EDA: variants seen among roughly 807,000 people sequenced by gnomAD.
EDA encodes ectodysplasin A.
EDA carries 2 observed loss-of-function variants against 23.6 expected under a neutral mutation model. The ratio of observed to expected loss-of-function variants is 0.08; its 90% CI spans 0.03 to 0.27. EDA has a LOEUF of 0.27. Ranked by LOEUF, EDA falls within the 10% of genes least tolerant of loss-of-function variation. The pLI is 1.00. For synonymous variants in EDA, 131 were observed against 132.0 expected (o/e 0.99, Z 0.05); for missense variants, 229 against 324.2 (o/e 0.71, Z 2.26).
At chrX:69,631,942 G>C (rs1472906378) in intron 1 of EDA, among the ~76,000 whole-genome samples, 1 of 111,599 alleles carries the variant, frequency 9.0e-6, no homozygotes, top group Non-Finnish European at 1.9e-5. Flanking sequence ...TTTGGATAAA[G>C]GCTTAGAGCC....
chrX:69,754,902 A>G (rs1368679213), intron 1 of EDA, among the ~76,000 whole-genome samples: 1 of 112,134 alleles, frequency 8.9e-6, no homozygotes, highest in Non-Finnish European at 1.9e-5. Context: ...CTTCAGCTCC[A>G]TCAGGTCATT....
intron 1 of EDA, among the ~76,000 whole-genome samples, chrX:69,798,577 T>G (rs2015600645): frequency 1.8e-5 from 2 of 111,170 alleles, no homozygotes; most frequent in South Asian, 7.6e-4. Flanking sequence ...ACTGAGCCAA[T>G]GAAGAAATTA....
intron 2 of EDA, among the ~76,000 whole-genome samples, chrX:69,990,988 T>C (rs1602590420): frequency 1.8e-5 from 2 of 111,376 alleles, no homozygotes; most frequent in Middle Eastern, 9.3e-3. Flanking sequence ...ATTTAGCAAG[T>C]TGGCTTATTT....
chrX:69,996,389 T>A (rs1415758888), intron 2 of EDA, among the ~76,000 whole-genome samples: 1 of 111,658 alleles, frequency 9.0e-6, no homozygotes, highest in African/African-American at 3.3e-5. Flanking sequence ...AAGAGCTAAT[T>A]TCCTAAACAT....
At chrX:69,669,093 A>G (rs1209721968) in intron 1 of EDA, among the ~76,000 whole-genome samples, 1 of 111,710 alleles carries the variant, frequency 9.0e-6, no homozygotes, top group East Asian at 2.8e-4. Context: ...AAGCACAGCC[A>G]CTTTGCTCTC....
chrX:69,646,800 G>A lies in EDA; in HGVS notation c.396+30096G>A, dbSNP rs145744695. Among the ~76,000 whole-genome samples, 722 of 111,860 alleles carry A rather than the reference G, an allele frequency of 6.5e-3. 2 individuals carry two copies. The highest frequency in any genetic ancestry group is 0.011 in the Non-Finnish European group (568 of 53,138). On this transcript the variant is annotated intron_variant, in intron 1 of 7. Transcript: ENST00000374552. ...GGTTGCTTCATAGTGTCACTGGTTT[G>A]TGTACTTCAGTGTGTTTTGTAGTGG...
intron 1 of EDA, among the ~76,000 whole-genome samples, chrX:69,690,665 T>C (rs1462234582): frequency 8.9e-6 from 1 of 111,802 alleles, no homozygotes; most frequent in African/African-American, 3.2e-5. Flanking sequence ...TTGAGAAGTA[T>C]TCCCTCCTCT....
chrX:69,653,691 C>A (rs1318114095), intron 1 of EDA, among the ~76,000 whole-genome samples: 3 of 110,695 alleles, frequency 2.7e-5, no homozygotes, highest in Admixed American at 9.6e-5. Context: ...CAAAAACAAG[C>A]AATGGGGAAA....
chrX:69,764,610 A>G (rs1004110211), intron 1 of EDA, among the ~76,000 whole-genome samples: 1 of 111,221 alleles, frequency 9.0e-6, no homozygotes, highest in African/African-American at 3.3e-5. Flanking sequence ...AATAAAAGAA[A>G]GACAACAAGG....
rs754981946 is a variant in EDA, at chrX:70,023,478, C to CTTTTT, written c.526+261_526+265dup. ...TCTTCTCCCTGCCCTTCTTTTTATT[C>CTTTTT]TTTTTTTTTTTTTTTTTTTTTTTTT... On this transcript the variant is annotated intron_variant, in intron 3 of 7. Coordinates refer to ENST00000374552, the MANE Select transcript of EDA (RefSeq NM_001399.5). Among the ~76,000 whole-genome samples the CTTTTT allele has an allele frequency of 1.8e-4, 6 of 33,500 alleles. 1 individual carries two copies. Among genetic ancestry groups the CTTTTT allele is most frequent in the African/African-American group, 5.6e-4 (4 of 7,162 alleles). The allele number at this position is 33,500 out of a possible 115,157, so 29.1% of individuals were successfully genotyped here. A position where few individuals can be genotyped will look rare whatever the true frequency, so the allele number is the denominator to read the frequency against.
chrX:69,779,783 C>G lies in EDA; in HGVS notation c.396+163079C>G, dbSNP rs1216950945. ...AAACGAACAAAAACAGTCAGCTACC[C>G]TGATTGGCCATAGCTTGCTGACCTC... On this transcript the variant is annotated intron_variant, in intron 1 of 7. Transcript: ENST00000374552. Among the ~76,000 whole-genome samples, 6 of 111,610 alleles carry G rather than the reference C, an allele frequency of 5.4e-5. No individual in the cohort carries two copies. The Admixed American group carries it at 5.7e-4, about 11-fold the overall frequency.
At chrX:69,937,109 C>T in intron 1 of EDA, 2 of 839,082 alleles carry the variant, frequency 2.4e-6, no homozygotes, top group Admixed American at 2.4e-5. Context: ...AACCTATATA[C>T]AAGCATGTGT....
intron 1 of EDA, among the ~76,000 whole-genome samples, chrX:69,910,511 C>G (rs193202386): frequency 5.5e-4 from 60 of 108,259 alleles, no homozygotes; most frequent in Non-Finnish European, 9.7e-4. Flanking sequence ...GAAATTTTGA[C>G]CATTTCTTCA....
At chrX:69,784,810 T>A (rs1401035398) in intron 1 of EDA, among the ~76,000 whole-genome samples, 1 of 108,494 alleles carries the variant, frequency 9.2e-6, no homozygotes, top group Non-Finnish European at 1.9e-5. Context: ...TTAAAGTAGT[T>A]TTTTCCAGTT....
At chrX:69,846,571 A>T (rs990470221) in intron 1 of EDA, among the ~76,000 whole-genome samples, 2 of 111,488 alleles carry the variant, frequency 1.8e-5, no homozygotes, top group Admixed American at 1.9e-4. Context: ...CTGAGATTAC[A>T]GGTGTGAGCC....
intron 1 of EDA, among the ~76,000 whole-genome samples, chrX:69,868,782 AAG>A (rs2038085222): frequency 8.9e-6 from 1 of 112,559 alleles, no homozygotes; most frequent in East Asian, 2.8e-4. Flanking sequence ...GAATGGAAAA[AAG>A]GGCATTTGCC....
intron 1 of EDA, among the ~76,000 whole-genome samples, chrX:69,954,286 G>A (rs2147414766): frequency 9.0e-6 from 1 of 110,515 alleles, no homozygotes; most frequent in Admixed American, 9.6e-5. Context: ...CCTTTTTCCT[G>A]GAATTCCTTT....
At chrX:69,642,387 C>G (rs2031730) in intron 1 of EDA, among the ~76,000 whole-genome samples, 16,834 of 110,547 alleles carry the variant, frequency 0.15, 1,245 homozygotes, top group Non-Finnish European at 0.22. Flanking sequence ...AGCTGAAATA[C>G]TATACGTTAT....
chrX:69,931,708 A>T lies in EDA; in HGVS notation c.397-25319A>T, dbSNP rs770513007. ...GACCATACCAAGTTTTGATGAGGAT[A>T]TGAGAACCTGAAACTCTCATACACA... On this transcript the variant is annotated intron_variant, in intron 1 of 7. Coordinates refer to ENST00000374552, the MANE Select transcript of EDA (RefSeq NM_001399.5). Among the ~76,000 whole-genome samples the T allele has an allele frequency of 1.5e-4, 17 of 112,035 alleles. No homozygotes were observed. In the South Asian group the frequency reaches 6.4e-3, roughly 42 times the overall value.
Sources: allele counts gnomAD v4.1 joint callset (sites outside exome capture counted in the v4.1 genomes callset), GRCh38; gene constraint gnomAD v4.1.1; transcripts MANE v1.5; gene names NCBI Gene and HGNC (gene_info 2026-07-23, HGNC 2026-07-21).